MBD5: variants seen among roughly 807,000 people sequenced by gnomAD.
MBD5 encodes methyl-CpG binding domain protein 5, also known as methyl-CpG-binding domain protein 5.
A neutral mutation model predicts 117.3 loss-of-function variants in MBD5; 13 were observed. That is an observed-to-expected ratio of 0.11 (90% CI 0.07 to 0.18). The LOEUF is 0.18. Among genes scored for constraint, MBD5 ranks in the 10% least tolerant of loss-of-function variants. The pLI is 1.00. For synonymous variants in MBD5, 727 were observed against 766.4 expected (o/e 0.95, Z 0.85); for missense variants, 1,879 against 2,093.8 (o/e 0.90, Z 2.00).
At chr2:148,378,431 A>T (rs1046260426) in intron 4 of MBD5, among the ~76,000 whole-genome samples, 1 of 152,086 alleles carries the variant, frequency 6.6e-6, no homozygotes, top group Non-Finnish European at 1.5e-5. Flanking sequence ...CATTTCTTTT[A>T]CTGCCTAATA....
intron 1 of MBD5, among the ~76,000 whole-genome samples, chr2:148,087,881 C>T (rs976165522): frequency 6.6e-6 from 1 of 151,936 alleles, no homozygotes; most frequent in Non-Finnish European, 1.5e-5. Flanking sequence ...TCTGAATTGC[C>T]AGATGAAGAA....
At chr2:148,452,848 A>G (rs1164988633) in intron 4 of MBD5, among the ~76,000 whole-genome samples, 1 of 152,206 alleles carries the variant, frequency 6.6e-6, no homozygotes, top group Admixed American at 6.5e-5. Flanking sequence ...TCAGGGAAAA[A>G]TCTAGAGCAA....
chr2:148,324,462 C>T (rs1702386947), intron 3 of MBD5, among the ~76,000 whole-genome samples: 3 of 152,250 alleles, frequency 2.0e-5, no homozygotes, highest in South Asian at 2.1e-4. Context: ...ATTCTTCCTA[C>T]CCATGAGCAT....
intron 1 of MBD5, among the ~76,000 whole-genome samples, chr2:148,166,291 G>A (rs1698123838): frequency 6.6e-6 from 1 of 152,120 alleles, no homozygotes. Flanking sequence ...TCATGTCAGT[G>A]TGTTATTTTC....
intron 3 of MBD5, among the ~76,000 whole-genome samples, chr2:148,289,612 T>C (rs1701450806): frequency 6.6e-6 from 1 of 152,184 alleles, no homozygotes. Flanking sequence ...AGAAAAACAT[T>C]ATCCACAGGA....
At chr2:148,374,885 C>A (rs2105387176) in intron 4 of MBD5, among the ~76,000 whole-genome samples, 1 of 152,212 alleles carries the variant, frequency 6.6e-6, no homozygotes, top group East Asian at 1.9e-4. Context: ...ATTTTTTACT[C>A]CTATGTATGC....
At chr2:148,242,552 A>C (rs1700236892) in intron 3 of MBD5, among the ~76,000 whole-genome samples, 1 of 152,130 alleles carries the variant, frequency 6.6e-6, no homozygotes, top group Non-Finnish European at 1.5e-5. Flanking sequence ...AGAAGATATT[A>C]CTGCAGTATT....
chr2:148,380,694 C>T (rs918817126), intron 4 of MBD5, among the ~76,000 whole-genome samples: 10 of 152,124 alleles, frequency 6.6e-5, no homozygotes, highest in South Asian at 2.1e-4. Context: ...CCCTGACCCC[C>T]GAGTAGCCTA....
intron 4 of MBD5, among the ~76,000 whole-genome samples, chr2:148,369,221 TAA>T (rs556656836): frequency 7.2e-5 from 10 of 139,464 alleles, no homozygotes; most frequent in African/African-American, 2.1e-4. Flanking sequence ...TCAAAAAACT[TAA>T]AAAAAAAAAA....
intron 2 of MBD5, among the ~76,000 whole-genome samples, chr2:148,180,293 CCTT>C (rs1341724112): frequency 2.1e-5 from 3 of 143,146 alleles, no homozygotes; most frequent in Admixed American, 7.1e-5. Flanking sequence ...TTTTATGGTT[CCTT>C]CTTCTCCACA....
At position 148,468,563 on chromosome 2, in the gene MBD5, A is replaced by C; in HGVS notation, c.620A>C (p.Glu207Ala). Residue 207 changes from glutamate to alanine, a missense_variant, in exon 8 of 14, where the codon GAA becomes GCA. Coordinates refer to ENST00000642680, the MANE Select transcript of MBD5 (RefSeq NM_001378120.1). ...VYPRQRLGSS[E>A]HGQKSPFRGS... ...CCCCGACAGAGATTGGGCAGCAGTG[A>C]ACATGGACAGAAATCTCCATTCCGT... is the stretch of plus-strand genomic sequence containing the variant. 1.2e-6 allele frequency: 2 copies of C among 1,613,970 alleles called. No homozygotes were observed. Among genetic ancestry groups the C allele is most frequent in the Non-Finnish European group, 1.7e-6 (2 of 1,179,906 alleles).
At chr2:148,371,114 A>T (rs1703840291) in intron 4 of MBD5, among the ~76,000 whole-genome samples, 1 of 152,198 alleles carries the variant, frequency 6.6e-6, no homozygotes, top group African/African-American at 2.4e-5. Flanking sequence ...ATTTCAAAAA[A>T]TTATTTCTAT....
At chr2:148,158,655 G>A (rs1697928981) in intron 1 of MBD5, among the ~76,000 whole-genome samples, 1 of 152,232 alleles carries the variant, frequency 6.6e-6, no homozygotes, top group African/African-American at 2.4e-5. Flanking sequence ...TATTTACCAT[G>A]TGTCTGACCA....
chr2:148,243,194 T>A (rs756183100), intron 3 of MBD5, among the ~76,000 whole-genome samples: 3 of 152,210 alleles, frequency 2.0e-5, no homozygotes, highest in Non-Finnish European at 4.4e-5. Context: ...TGATTTTATT[T>A]TTATCTAGAC....
rs949237167 is a variant in MBD5 at position 148,295,984 on chromosome 2, T to A, written c.-679-46230T>A. ...ACACTCTTCACAGTAATGTCTGTAT[T>A]CACTTCATAGAGTTTCTGTGTTGCT... On this transcript the variant is annotated intron_variant, in intron 3 of 13. Coordinates refer to ENST00000642680, the MANE Select transcript of MBD5 (RefSeq NM_001378120.1). 6.8e-5 allele frequency: 11 copies of A among 162,856 alleles called. No individual in the cohort carries two copies. In the Admixed American group the frequency reaches 7.2e-4, roughly 11 times the overall value. The allele number at this position is 162,856 out of a possible 1,614,324, so 10.1% of individuals were successfully genotyped here.
At chr2:148,229,208 A>G (rs1468254033) in intron 2 of MBD5, among the ~76,000 whole-genome samples, 1 of 139,836 alleles carries the variant, frequency 7.2e-6, no homozygotes, top group Non-Finnish European at 1.6e-5. Flanking sequence ...TTTTCTGTGT[A>G]TTTTCAAACA....
intron 4 of MBD5, among the ~76,000 whole-genome samples, chr2:148,403,829 G>A (rs141762997): frequency 1.2e-4 from 19 of 152,250 alleles, no homozygotes; most frequent in African/African-American, 4.6e-4. Context: ...GCAAGGTACA[G>A]ATTTGTGCCA....
At chr2:148,057,287 T>G (rs1694893209) in intron 1 of MBD5, among the ~76,000 whole-genome samples, 1 of 151,900 alleles carries the variant, frequency 6.6e-6, no homozygotes, top group Admixed American at 6.6e-5. Context: ...TTTTAACTTT[T>G]AAATTTATAT....
intron 1 of MBD5, among the ~76,000 whole-genome samples, chr2:148,171,264 G>A (rs150323973): frequency 1.4e-4 from 21 of 152,116 alleles, no homozygotes; most frequent in African/African-American, 5.1e-4. Context: ...ATGCAACAAC[G>A]CATTAAAAAT....
Sources: allele counts gnomAD v4.1 joint callset (sites outside exome capture counted in the v4.1 genomes callset), GRCh38; gene constraint gnomAD v4.1.1; transcripts MANE v1.5; gene names NCBI Gene and HGNC (gene_info 2026-07-23, HGNC 2026-07-21).